The following PKIB variants were observed in gnomAD, a reference collection of about 807,000 sequenced individuals.
PKIB encodes the protein PKI-beta.
Under a neutral mutation model 4.5 loss-of-function variants are expected in PKIB, and 2 were observed. That is an observed-to-expected ratio of 0.44 (90% CI 0.18 to 1.39). The LOEUF (loss-of-function observed/expected upper bound fraction) is 1.39. Ranked by LOEUF, PKIB falls within the 40% of genes most tolerant of loss-of-function variation. The probability of loss-of-function intolerance (pLI) is 0.27; values close to 1 mark genes in which losing one functional copy is unlikely to be tolerated. For missense variants in PKIB, 94 were observed against 92.6 expected (o/e 1.02, Z -0.06); for synonymous variants, 38 against 36.0 (o/e 1.06, Z -0.20).
intron 3 of PKIB, among the ~76,000 whole-genome samples, chr6:122,691,418 C>T (rs1215043743): frequency 6.6e-6 from 1 of 152,036 alleles, no homozygotes; most frequent in African/African-American, 2.4e-5. Flanking sequence ...TTTCAGATAA[C>T]TTGTCTTCAA....
At chr6:122,658,366 A>G (rs949350072) in intron 2 of PKIB, among the ~76,000 whole-genome samples, 1 of 152,180 alleles carries the variant, frequency 6.6e-6, no homozygotes, top group Non-Finnish European at 1.5e-5. Flanking sequence ...AAAAGTAATG[A>G]TACAATTATT....
intron 2 of PKIB, among the ~76,000 whole-genome samples, chr6:122,523,435 C>T (rs1411427395): frequency 6.6e-6 from 1 of 152,114 alleles, no homozygotes; most frequent in Non-Finnish European, 1.5e-5. Context: ...GTGGGAGGGA[C>T]CCAGTGGGAA....
chr6:122,570,686 C>T (rs1296001720), intron 2 of PKIB, among the ~76,000 whole-genome samples: 1 of 151,094 alleles, frequency 6.6e-6, no homozygotes, highest in Non-Finnish European at 1.5e-5. Context: ...AATTAGCCTG[C>T]AATAAACTAT....
chr6:122,650,284 C>T (rs763524547), intron 2 of PKIB, among the ~76,000 whole-genome samples: 1 of 152,050 alleles, frequency 6.6e-6, no homozygotes, highest in Non-Finnish European at 1.5e-5. Context: ...AATCATCACC[C>T]CTGCATCCTT....
intron 1 of PKIB, among the ~76,000 whole-genome samples, chr6:122,474,203 T>G (rs1332296177): frequency 6.6e-6 from 1 of 152,190 alleles, no homozygotes; most frequent in Non-Finnish European, 1.5e-5. Flanking sequence ...TAAGGGCTAG[T>G]ATGCCAAAAA....
intron 2 of PKIB, among the ~76,000 whole-genome samples, chr6:122,508,896 G>A (rs1004039061): frequency 1.3e-5 from 2 of 151,960 alleles, no homozygotes; most frequent in African/African-American, 4.8e-5. Flanking sequence ...GACTACAGGT[G>A]CCCGCCACCA....
At chr6:122,533,024 A>G (rs1269700818) in intron 2 of PKIB, among the ~76,000 whole-genome samples, 2 of 151,900 alleles carry the variant, frequency 1.3e-5, no homozygotes, top group Non-Finnish European at 2.9e-5. Flanking sequence ...CCCAGTTTTT[A>G]GTTGCTTTTT....
chr6:122,575,748 G>C (rs533355459), intron 2 of PKIB, among the ~76,000 whole-genome samples: 1 of 152,102 alleles, frequency 6.6e-6, no homozygotes, highest in Non-Finnish European at 1.5e-5. Context: ...GTACTATAAT[G>C]GACTTTGTGG....
chr6:122,724,017 G>A (rs1779844299), intron 4 of PKIB, among the ~76,000 whole-genome samples: 1 of 152,164 alleles, frequency 6.6e-6, no homozygotes, highest in South Asian at 2.1e-4. Flanking sequence ...TTGAAGAACT[G>A]AATAGAGTCC....
intron 2 of PKIB, among the ~76,000 whole-genome samples, chr6:122,657,392 A>G (rs1765831355): frequency 6.6e-6 from 1 of 152,184 alleles, no homozygotes; most frequent in African/African-American, 2.4e-5. Flanking sequence ...AATAGATGTT[A>G]GTGATCACCT....
At chr6:122,502,994 G>T (rs970704004) in intron 2 of PKIB, among the ~76,000 whole-genome samples, 7 of 152,072 alleles carry the variant, frequency 4.6e-5, no homozygotes, top group Non-Finnish European at 7.4e-5. Context: ...TCAAAGCATG[G>T]GCAGATTTAG....
At chr6:122,659,461 ATTTGGTT>A (rs1776900908) in intron 2 of PKIB, among the ~76,000 whole-genome samples, 1 of 152,128 alleles carries the variant, frequency 6.6e-6, no homozygotes, top group African/African-American at 2.4e-5. Context: ...TTGTAAGACC[ATTTGGTT>A]CTTATATGAT....
At chr6:122,503,979 A>C (rs1776325275) in intron 2 of PKIB, among the ~76,000 whole-genome samples, 1 of 152,212 alleles carries the variant, frequency 6.6e-6, no homozygotes, top group Non-Finnish European at 1.5e-5. Context: ...AATGCACTTC[A>C]TGAAAGTTTC....
chr6:122,525,587 A>G (rs1777071968), intron 2 of PKIB, among the ~76,000 whole-genome samples: 1 of 152,228 alleles, frequency 6.6e-6, no homozygotes, highest in South Asian at 2.1e-4. Context: ...TTCACAGCAC[A>G]TATGTTATGT....
intron 2 of PKIB, among the ~76,000 whole-genome samples, chr6:122,508,273 C>T (rs543945979): frequency 3.2e-4 from 48 of 152,236 alleles, no homozygotes; most frequent in African/African-American, 1.2e-3. Context: ...GTCGCATGGA[C>T]ATAAGAAAGT....
In PKIB at chr6:122,642,179, G is replaced by A. The variant is rs188002610; in HGVS notation, c.-76+8812G>A. Among the ~76,000 whole-genome samples, 289 of 152,344 alleles carry A rather than the reference G, an allele frequency of 1.9e-3. 2 individuals carry two copies. Among genetic ancestry groups the A allele is most frequent in the African/African-American group, 6.7e-3 (280 of 41,580 alleles). ...CCACTGCTTAGGCTGCTAGAGCAGAGCTCTTTGAACCTCTTTCAGTTTTGA... is the reference window on the plus strand; with the variant it reads ...CCACTGCTTAGGCTGCTAGAGCAGAACTCTTTGAACCTCTTTCAGTTTTGA... On this transcript the variant is annotated intron_variant, in intron 2 of 4. Coordinates refer to ENST00000368452, the MANE Select transcript of PKIB (RefSeq NM_181795.3).
At chr6:122,516,764 C>G (rs1238542088) in intron 2 of PKIB, among the ~76,000 whole-genome samples, 1 of 152,070 alleles carries the variant, frequency 6.6e-6, no homozygotes, top group East Asian at 1.9e-4. Context: ...AATACTAAAA[C>G]AAGTATTGAG....
chr6:122,509,825 C>T (rs758074760), intron 2 of PKIB, among the ~76,000 whole-genome samples: 36 of 151,986 alleles, frequency 2.4e-4, no homozygotes, highest in Non-Finnish European at 4.3e-4. Flanking sequence ...TGAATAATAA[C>T]CCCCATTGGG....
intron 2 of PKIB, among the ~76,000 whole-genome samples, chr6:122,577,137 A>C (rs1243041606): frequency 2.6e-5 from 4 of 152,190 alleles, no homozygotes; most frequent in African/African-American, 9.7e-5. Context: ...TATATAAAAA[A>C]TGCTGTGGGT....
Sources: allele counts gnomAD v4.1 joint callset (sites outside exome capture counted in the v4.1 genomes callset), GRCh38; gene constraint gnomAD v4.1.1; transcripts MANE v1.5; gene names NCBI Gene and HGNC (gene_info 2026-07-23, HGNC 2026-07-21).